DPP10: variants seen among roughly 807,000 people sequenced by gnomAD.
DPP10 encodes the protein inactive dipeptidyl peptidase 10.
DPP10 carries 33 observed loss-of-function variants against 120.9 expected under a neutral mutation model. The ratio of observed to expected loss-of-function variants is 0.27; its 90% CI spans 0.21 to 0.37. DPP10 has a LOEUF of 0.37. DPP10 is among the 10% of genes least tolerant of loss of function. The probability of loss-of-function intolerance (pLI) is 1.00; values close to 1 mark genes in which losing one functional copy is unlikely to be tolerated. For missense variants in DPP10, 816 were observed against 942.8 expected (o/e 0.87, Z 1.76); for synonymous variants, 337 against 326.1 (o/e 1.03, Z -0.36).
At chr2:115,746,234 A>G (rs141086276) in intron 10 of DPP10, 51 bp downstream of exon 10, 182 of 1,461,932 alleles carry the variant, frequency 1.2e-4, no homozygotes, top group Middle Eastern at 1.2e-3. Context: ...TTTCACTCCA[A>G]TTATCATTTT....
At chr2:114,537,945 C>T (rs565403329) in intron 1 of DPP10, among the ~76,000 whole-genome samples, 13 of 152,288 alleles carry the variant, frequency 8.5e-5, no homozygotes, top group East Asian at 1.9e-4. Context: ...TCTGGGAATT[C>T]GCAGATTTGC....
At chr2:115,083,697 C>T (rs897450218) in intron 1 of DPP10, among the ~76,000 whole-genome samples, 1 of 152,210 alleles carries the variant, frequency 6.6e-6, no homozygotes, top group African/African-American at 2.4e-5. Flanking sequence ...GCATTTGCTA[C>T]AGTGAATTTG....
intron 1 of DPP10, among the ~76,000 whole-genome samples, chr2:115,027,550 AT>A (rs1274293856): frequency 6.6e-6 from 1 of 151,818 alleles, no homozygotes; most frequent in Non-Finnish European, 1.5e-5. Flanking sequence ...TTCATTGAGG[AT>A]TTTGCATTTA....
At chr2:114,690,338 G>A (rs982281606) in intron 1 of DPP10, among the ~76,000 whole-genome samples, 1 of 152,034 alleles carries the variant, frequency 6.6e-6, no homozygotes, top group Admixed American at 6.6e-5. Flanking sequence ...ATTAAATGGG[G>A]AGTCCTTTCC....
chr2:114,682,101 A>G (rs1433192560), intron 1 of DPP10, among the ~76,000 whole-genome samples: 1 of 151,910 alleles, frequency 6.6e-6, no homozygotes, highest in Non-Finnish European at 1.5e-5. Context: ...AGATTGTACA[A>G]TTCACAACAT....
At chr2:115,072,304 G>A (rs1707430854) in intron 1 of DPP10, among the ~76,000 whole-genome samples, 1 of 152,182 alleles carries the variant, frequency 6.6e-6, no homozygotes, top group Admixed American at 6.5e-5. Flanking sequence ...AGGTTTTACA[G>A]TTTAGCATAG....
Position 115,260,163 on chromosome 2 carries a change from T to C in DPP10, c.61-49076T>C, listed in dbSNP as rs1237915961. ...TACACATTCTATATTATATTATATA[T>C]ACATTAATTATGATATATAATTGTA... On this transcript the variant is annotated intron_variant, in intron 1 of 25. Transcript: ENST00000410059. 2.7e-5 allele frequency among the ~76,000 whole-genome samples: 4 copies of C among 150,824 alleles called. No homozygotes were observed. In the East Asian group the frequency reaches 5.8e-4, roughly 22 times the overall value.
At chr2:115,019,051 G>A (rs1432182241) in intron 1 of DPP10, among the ~76,000 whole-genome samples, 1 of 151,270 alleles carries the variant, frequency 6.6e-6, no homozygotes, top group African/African-American at 2.4e-5. Flanking sequence ...GCACCCACCT[G>A]CCACCCCTCC....
chr2:114,648,989 A>T (rs576792928), intron 1 of DPP10, among the ~76,000 whole-genome samples: 1 of 152,322 alleles, frequency 6.6e-6, no homozygotes, highest in Non-Finnish European at 1.5e-5. Flanking sequence ...AGGGTGGAAA[A>T]GCACAACTAA....
At chr2:114,479,658 C>T (rs1442103809) in intron 1 of DPP10, among the ~76,000 whole-genome samples, 1 of 152,020 alleles carries the variant, frequency 6.6e-6, no homozygotes, top group Non-Finnish European at 1.5e-5. Flanking sequence ...AACTGGCTAG[C>T]CATATATAGA....
intron 1 of DPP10, among the ~76,000 whole-genome samples, chr2:115,207,499 C>T (rs1165884986): frequency 1.4e-5 from 2 of 143,546 alleles, no homozygotes. Context: ...TGTTTGAGTG[C>T]CTATTGTGTT....
intron 24 of DPP10, among the ~76,000 whole-genome samples, chr2:115,837,237 G>T (rs181822528): frequency 8.5e-5 from 13 of 152,242 alleles, no homozygotes; most frequent in African/African-American, 2.9e-4. Flanking sequence ...CTTTAAAAAG[G>T]CACTTTCATA....
At chr2:115,019,054 A>C (rs940095048) in intron 1 of DPP10, among the ~76,000 whole-genome samples, 2 of 148,356 alleles carry the variant, frequency 1.3e-5, no homozygotes, top group South Asian at 2.2e-4. Flanking sequence ...CCCACCTGCC[A>C]CCCCTCCCCC....
intron 1 of DPP10, among the ~76,000 whole-genome samples, chr2:114,677,467 A>G (rs1320186014): frequency 6.6e-6 from 1 of 152,166 alleles, no homozygotes. Context: ...CTGTAAAGGA[A>G]AAATAACTAA....
At chr2:114,474,153 G>T (rs13414815) in intron 1 of DPP10, among the ~76,000 whole-genome samples, 13,093 of 152,074 alleles carry the variant, frequency 0.086, 1,871 homozygotes, top group African/African-American at 0.3. Flanking sequence ...GAGATAGTTT[G>T]CACCATGTTA....
At position 114,934,640 on chromosome 2, in the gene DPP10, A is replaced by G. The variant is rs974831093; in HGVS notation, c.61-374599A>G. ...TCTGTGTGCGTGTGTGTGTGTGTGT[A>G]TGTGTGTATTAATTCGGTTTAGACT... On this transcript the variant is annotated intron_variant, in intron 1 of 25. Coordinates refer to ENST00000410059, the MANE Select transcript of DPP10 (RefSeq NM_020868.6). Among the ~76,000 whole-genome samples, 5 of 151,294 alleles carry G rather than the reference A, an allele frequency of 3.3e-5. No homozygotes were observed. The South Asian group carries it at 6.3e-4, about 19-fold the overall frequency.
intron 1 of DPP10, among the ~76,000 whole-genome samples, chr2:115,024,833 ATG>A (rs1238269963): frequency 1.4e-5 from 2 of 148,064 alleles, no homozygotes; most frequent in Non-Finnish European, 3.0e-5. Context: ...ATGGCCATAT[ATG>A]TGTGTGTGTG....
chr2:115,652,150 A>T (rs924628799), intron 5 of DPP10, among the ~76,000 whole-genome samples: 1 of 152,102 alleles, frequency 6.6e-6, no homozygotes, highest in African/African-American at 2.4e-5. Context: ...TACATGATAT[A>T]TGCCAGACAT....
intron 1 of DPP10, among the ~76,000 whole-genome samples, chr2:114,913,503 C>T (rs551649875): frequency 1.3e-4 from 20 of 152,184 alleles, no homozygotes; most frequent in South Asian, 1.2e-3. Flanking sequence ...GCCTTGACTC[C>T]GTGAAATCAT....
Sources: gnomAD v4.1 joint callset for allele counts (sites outside exome capture counted in the v4.1 genomes callset) on GRCh38, gnomAD v4.1.1 for gene constraint, MANE v1.5 for transcripts, NCBI Gene and HGNC (gene_info 2026-07-23, HGNC 2026-07-21) for gene names.